The following CASZ1 variants were observed in gnomAD, a reference collection of about 807,000 sequenced individuals.
CASZ1 encodes the protein castor zinc finger 1.
In CASZ1, 28 loss-of-function variants were observed where a neutral mutation model predicts 135.2. That is an observed-to-expected ratio of 0.21 (90% CI 0.15 to 0.28). The LOEUF is 0.28. CASZ1 is among the 10% of genes least tolerant of loss of function. CASZ1 has a pLI of 1.00. For synonymous variants in CASZ1, 1,068 were observed against 1,073.4 expected (o/e 0.99, Z 0.10); for missense variants, 2,161 against 2,453.3 (o/e 0.88, Z 2.52).
At chr1:10,752,192 C>A (rs181939406) in intron 2 of CASZ1, among the ~76,000 whole-genome samples, 114 of 152,340 alleles carry the variant, frequency 7.5e-4, no homozygotes, top group African/African-American at 2.7e-3. Context: ...GGTGGCCCTG[C>A]ATAGCAGGCT....
chr1:10,672,124 C>T (rs1643422353), intron 4 of CASZ1, among the ~76,000 whole-genome samples: 1 of 152,056 alleles, frequency 6.6e-6, no homozygotes, highest in Non-Finnish European at 1.5e-5. Flanking sequence ...CCGGCTCACC[C>T]GCCCGCCGCA....
chr1:10,655,910 G>A (rs568874308), intron 8 of CASZ1, 97 bp from the exon 9 acceptor site: 1 of 1,300,582 alleles, frequency 7.7e-7, no homozygotes, highest in East Asian at 2.3e-5. Flanking sequence ...CTGGCCTCAG[G>A]TCTCCCTAGA....
chr1:10,786,528 G>A (rs920234079), intron 1 of CASZ1, among the ~76,000 whole-genome samples: 16 of 152,198 alleles, frequency 1.1e-4, no homozygotes, highest in Admixed American at 7.9e-4. Context: ...AAGTGTTTCC[G>A]TGTCCTCTCC....
chr1:10,775,966 T>C (rs887056990), intron 1 of CASZ1, among the ~76,000 whole-genome samples: 2 of 152,188 alleles, frequency 1.3e-5, no homozygotes, highest in Non-Finnish European at 2.9e-5. Context: ...CTTTCTGCCC[T>C]GAGCTCGTCT....
chr1:10,779,514 T>C (rs1035713915), intron 1 of CASZ1, among the ~76,000 whole-genome samples: 18 of 152,092 alleles, frequency 1.2e-4, no homozygotes, highest in Non-Finnish European at 2.1e-4. Context: ...CAGGGCTCCC[T>C]GCCGGGCCGA....
At position 10,646,751 on chromosome 1, in the gene CASZ1, T is replaced by C. The variant is rs534258346; in HGVS notation, c.3498-425A>G. ...GTGGATGTGGCTGACAGACTGCAGA[T>C]GGGTGCTCGGCCCCACCAGGAAGCG... On this transcript the variant is annotated intron_variant, in intron 16 of 20. Transcript: ENST00000377022. This position sits in a 1 kb window ranked among gnomAD's most constrained non-coding sequence, Gnocchi z 6.4. Among the ~76,000 whole-genome samples the C allele has an allele frequency of 2.0e-5, 3 of 152,196 alleles. No individual in the cohort carries two copies. Among genetic ancestry groups the C allele is most frequent in the Admixed American group, 6.5e-5 (1 of 15,290 alleles).
At chr1:10,780,030 C>T (rs1445152798) in intron 1 of CASZ1, among the ~76,000 whole-genome samples, 1 of 152,180 alleles carries the variant, frequency 6.6e-6, no homozygotes, top group African/African-American at 2.4e-5. Context: ...AGTGCCCTGG[C>T]CCTTGTGCCC....
rs1443793521 is a variant in CASZ1 at position 10,639,089 on chromosome 1, GTCGTCGTCC to G, written c.5124_5132del (p.Glu1708_Asp1710del). On this transcript the variant is annotated inframe_deletion, in exon 21 of 21. Coordinates refer to ENST00000377022, the MANE Select transcript of CASZ1 (RefSeq NM_001079843.3). The surrounding 1 kb of genome is among the most constrained non-coding windows in gnomAD (Gnocchi z 4.0). ...CCGAGTCGGTGCGCAGGTCCTCGTC[GTCGTCGTCC>G]TCGTCGTCGTCCTCGTCGTCGTCGT... 9.6e-7 allele frequency: 1 copy of G among 1,041,770 alleles called. No individual in the cohort carries two copies. Among genetic ancestry groups the G allele is most frequent in the Non-Finnish European group, 1.2e-6 (1 of 832,778 alleles). 64.5% of individuals were successfully genotyped at this position (1,041,770 alleles called of 1,614,324 possible). A position where few individuals can be genotyped will look rare whatever the true frequency, so the allele number is the denominator to read the frequency against.
At chr1:10,770,457 T>C (rs1453323925) in intron 1 of CASZ1, among the ~76,000 whole-genome samples, 5 of 152,124 alleles carry the variant, frequency 3.3e-5, no homozygotes, top group African/African-American at 9.7e-5. Context: ...GGAGAAAAAA[T>C]AGATTTTTAA....
chr1:10,638,234 C>T lies in CASZ1; in HGVS notation c.*708G>A, dbSNP rs938560064. On this transcript the variant is annotated 3_prime_UTR_variant, in exon 21 of 21. Coordinates refer to ENST00000377022, the MANE Select transcript of CASZ1 (RefSeq NM_001079843.3). The surrounding 1 kb of genome is among the most constrained non-coding windows in gnomAD (Gnocchi z 5.9). ...GGCGCATCCTTCCTGTTTGCACCAC[C>T]AGGGTGGCCGAGACCCCGCCCCGGC... is the stretch of plus-strand genomic sequence containing the variant. 2 of 152,506 alleles carry T rather than the reference C, an allele frequency of 1.3e-5. No individual in the cohort carries two copies. The highest frequency in any genetic ancestry group is 1.3e-4 in the Admixed American group (2 of 15,312). 9.4% of individuals were successfully genotyped at this position (152,506 alleles called of 1,614,324 possible). A position where few individuals can be genotyped will look rare whatever the true frequency, so the allele number is the denominator to read the frequency against.
intron 1 of CASZ1, among the ~76,000 whole-genome samples, chr1:10,787,345 C>T (rs542651654): frequency 1.3e-5 from 2 of 152,306 alleles, no homozygotes; most frequent in East Asian, 1.9e-4. Flanking sequence ...AGCTCGGGGC[C>T]ACCCGTGTCT....
At position 10,659,978 on chromosome 1, in the gene CASZ1, C is replaced by T. The variant is rs1162323624; in HGVS notation, c.1064G>A (p.Gly355Asp). The T allele has an allele frequency of 6.2e-7, 1 of 1,613,484 alleles. No individual in the cohort carries two copies. Among genetic ancestry groups the T allele is most frequent in the Admixed American group, 1.7e-5 (1 of 60,018 alleles). The change falls in exon 6 of 21, where the codon GGC (glycine) becomes GAC (aspartate). Residue 355 changes from glycine to aspartate, a missense_variant. Physicochemically the swap from Gly to Asp is moderately conservative, Grantham distance 94 (BLOSUM62 -1). This residue lies in a region of CASZ1 where 590 missense variants were observed against 609.8 expected (regional missense o/e 0.97). Coordinates refer to ENST00000377022, the MANE Select transcript of CASZ1 (RefSeq NM_001079843.3). ...GATGGCCCCGCCCATGTCGGGGCTG[C>T]CCTCCCCGGGTTTGAAGAGGTGCAG... is the stretch of plus-strand genomic sequence containing the variant. ...KYLHLFKPGE[G>D]SPDMGGAIAF...
intron 1 of CASZ1, among the ~76,000 whole-genome samples, chr1:10,781,865 G>A (rs1473470190): frequency 6.6e-6 from 1 of 152,196 alleles, no homozygotes; most frequent in Non-Finnish European, 1.5e-5. Context: ...GCTGAGAAGA[G>A]CCCACAATAT....
chr1:10,698,960 A>G (rs1639003056), intron 3 of CASZ1, among the ~76,000 whole-genome samples: 1 of 152,096 alleles, frequency 6.6e-6, no homozygotes, highest in African/African-American at 2.4e-5. Flanking sequence ...GCTCTTACCC[A>G]AGCACTGGCT....
intron 4 of CASZ1, among the ~76,000 whole-genome samples, chr1:10,673,112 G>A (rs969674374): frequency 2.0e-5 from 3 of 152,126 alleles, no homozygotes; most frequent in Admixed American, 6.5e-5. Context: ...AGGGCCCTGC[G>A]GAGGGGCTGG....
intron 2 of CASZ1, among the ~76,000 whole-genome samples, chr1:10,728,859 C>G (rs1276211458): frequency 1.3e-5 from 2 of 151,992 alleles, no homozygotes; most frequent in African/African-American, 4.8e-5. Flanking sequence ...CTGGTGAGTC[C>G]CCTCGCTGGG....
At position 10,694,035 on chromosome 1, in the gene CASZ1, C is replaced by A; in HGVS notation, c.-23-123G>T. The A allele has an allele frequency of 1.2e-6, 1 of 817,004 alleles. No homozygotes were observed. Among genetic ancestry groups the A allele is most frequent in the South Asian group, 1.9e-5 (1 of 53,494 alleles). The allele number at this position is 817,004 out of a possible 1,614,324, so 50.6% of individuals were successfully genotyped here. On this transcript the variant is annotated intron_variant, in intron 3 of 20. Coordinates refer to ENST00000377022, the MANE Select transcript of CASZ1 (RefSeq NM_001079843.3). The surrounding 1 kb of genome is among the most constrained non-coding windows in gnomAD (Gnocchi z 6.6). ...GCAGGAGCGGCCCGTCCCGGGCGGG[C>A]GCCGAGGCCGCGGCGGAGAAACTTT...
rs1443224488 is a variant in CASZ1 at position 10,794,138 on chromosome 1, TGTGTGTGCGC to T, written c.-234+2416_-234+2425del. Among the ~76,000 whole-genome samples the T allele has an allele frequency of 6.6e-6, 1 of 151,140 alleles. No individual in the cohort carries two copies. Among genetic ancestry groups the T allele is most frequent in the Non-Finnish European group, 1.5e-5 (1 of 67,532 alleles). ...CAGCTCCCTTTAGGACGGCGACGTGTGTGTGTGCGCGTGTGTGTGCGTGTTTGTATGTGTA... is the reference window on the plus strand; with the variant it reads ...CAGCTCCCTTTAGGACGGCGACGTGTGTGTGTGTGCGTGTTTGTATGTGTA... On this transcript the variant is annotated intron_variant, in intron 1 of 20. Transcript: ENST00000377022. The surrounding 1 kb of genome is among the most constrained non-coding windows in gnomAD (Gnocchi z 5.6).
chr1:10,793,457 AAACAAAC>A (rs1641000282), intron 1 of CASZ1, among the ~76,000 whole-genome samples: 1 of 152,202 alleles, frequency 6.6e-6, no homozygotes, highest in African/African-American at 2.4e-5. Flanking sequence ...TCTAAAAAAC[AAACAAAC>A]AAGGCAAGGG....
Sources: gnomAD v4.1 joint callset for allele counts (sites outside exome capture counted in the v4.1 genomes callset) on GRCh38, gnomAD v4.1.1 for gene constraint, gnomAD v4.1.1 regional missense constraint, Gnocchi (gnomAD v3.1) non-coding constraint, MANE v1.5 for transcripts, NCBI Gene and HGNC (gene_info 2026-07-23, HGNC 2026-07-21) for gene names.